Variants in NTRK2 observed in about 807,000 individuals in gnomAD.
NTRK2 encodes neurotrophic receptor tyrosine kinase 2.
A neutral mutation model predicts 94.5 loss-of-function variants in NTRK2; 13 were observed. The observed-to-expected ratio is 0.14, with a 90% CI of 0.09 to 0.22. The LOEUF is 0.22. Ranked by LOEUF, NTRK2 falls within the 10% of genes least tolerant of loss-of-function variation. The probability of loss-of-function intolerance (pLI) is 1.00; values close to 1 mark genes in which losing one functional copy is unlikely to be tolerated. For synonymous variants in NTRK2, 372 were observed against 407.4 expected (o/e 0.91, Z 1.05); for missense variants, 639 against 1,071.2 (o/e 0.60, Z 5.63).
chr9:84,947,848 G>T (rs2078651358), intron 15 of NTRK2, among the ~76,000 whole-genome samples: 1 of 152,158 alleles, frequency 6.6e-6, no homozygotes, highest in Non-Finnish European at 1.5e-5. Context: ...AGTTATCTAA[G>T]CAGAGAACTA....
In NTRK2 at chr9:85,022,554, A is replaced by T. The variant is rs201860030; in HGVS notation, c.*1117A>T. 1.3e-5 allele frequency: 3 copies of T among 233,106 alleles called. No individual in the cohort carries two copies. In the East Asian group the frequency reaches 1.8e-4, roughly 14 times the overall value. 14.4% of individuals were successfully genotyped at this position (233,106 alleles called of 1,614,324 possible). On this transcript the variant is annotated 3_prime_UTR_variant, in exon 19 of 19. Coordinates refer to ENST00000277120, the MANE Select transcript of NTRK2 (RefSeq NM_006180.6). ...CGGAGGCAAGTTTCTTTTACAATGA[A>T]CTTTTCAGATCTCACTTCCCTCCGA...
chr9:84,967,016 C>A (rs553143113), intron 17 of NTRK2, among the ~76,000 whole-genome samples: 3 of 152,280 alleles, frequency 2.0e-5, no homozygotes, highest in East Asian at 1.9e-4. Flanking sequence ...CTCTCTTGAA[C>A]ACCAGAGCTT....
intron 12 of NTRK2, among the ~76,000 whole-genome samples, chr9:84,776,109 G>GA (rs2067005277): frequency 1.3e-5 from 2 of 152,022 alleles, no homozygotes; most frequent in Non-Finnish European, 1.5e-5. Context: ...CACACAGTTG[G>GA]TACCTGTCTA....
chr9:84,870,331 G>GTGTATATATGTATATATA (rs1349303529), intron 14 of NTRK2, among the ~76,000 whole-genome samples: 10 of 31,176 alleles, frequency 3.2e-4, no homozygotes, highest in Non-Finnish European at 1.4e-4. Context: ...GTGTGTGTGT[G>GTGTATATATGTATATATA]TATATATATA....
At chr9:84,939,820 G>T (rs1204349020) in intron 15 of NTRK2, among the ~76,000 whole-genome samples, 3 of 152,078 alleles carry the variant, frequency 2.0e-5, no homozygotes, top group Non-Finnish European at 4.4e-5. Context: ...TCCAGGGAAT[G>T]AACGATTCTC....
At chr9:84,790,271 C>T (rs2068595014) in intron 12 of NTRK2, among the ~76,000 whole-genome samples, 1 of 152,168 alleles carries the variant, frequency 6.6e-6, no homozygotes, top group Non-Finnish European at 1.5e-5. Flanking sequence ...TAATCATCAT[C>T]CCCACAAAAG....
intron 11 of NTRK2, among the ~76,000 whole-genome samples, chr9:84,750,216 C>T (rs1220804230): frequency 6.6e-6 from 1 of 152,086 alleles, no homozygotes; most frequent in African/African-American, 2.4e-5. Context: ...CTTTCCCCCT[C>T]GTTGTGACAA....
chr9:84,795,801 C>G (rs1323338620), intron 12 of NTRK2, among the ~76,000 whole-genome samples: 2 of 152,178 alleles, frequency 1.3e-5, no homozygotes, highest in African/African-American at 2.4e-5. Context: ...AGTACATCCT[C>G]CCTCTCTTGG....
intron 12 of NTRK2, among the ~76,000 whole-genome samples, chr9:84,846,350 C>T (rs554664717): frequency 1.5e-4 from 23 of 152,308 alleles, no homozygotes; most frequent in African/African-American, 4.8e-4. Context: ...ATGCAGTTTT[C>T]CAAGCAAAAG....
At chr9:84,848,426 T>C (rs1470128025) in intron 12 of NTRK2, among the ~76,000 whole-genome samples, 1 of 152,224 alleles carries the variant, frequency 6.6e-6, no homozygotes, top group Non-Finnish European at 1.5e-5. Flanking sequence ...AAATGTACAC[T>C]GTGAAGATCA....
chr9:85,001,460 A>T (rs1025939194), intron 17 of NTRK2, among the ~76,000 whole-genome samples: 1 of 152,192 alleles, frequency 6.6e-6, no homozygotes, highest in African/African-American at 2.4e-5. Context: ...CTTCCTTTGC[A>T]GTACACACAA....
chr9:84,792,990 C>T (rs2068885370), intron 12 of NTRK2, among the ~76,000 whole-genome samples: 1 of 152,142 alleles, frequency 6.6e-6, no homozygotes, highest in African/African-American at 2.4e-5. Context: ...TCAGTATCAT[C>T]ACCATCATCA....
At chr9:84,779,005 G>A (rs2067310392) in intron 12 of NTRK2, among the ~76,000 whole-genome samples, 4 of 152,148 alleles carry the variant, frequency 2.6e-5, no homozygotes, top group African/African-American at 9.7e-5. Context: ...TTTAACAGAA[G>A]GGAGGACCTC....
At chr9:84,993,238 T>A (rs1829319435) in intron 17 of NTRK2, among the ~76,000 whole-genome samples, 1 of 152,172 alleles carries the variant, frequency 6.6e-6, no homozygotes, top group Non-Finnish European at 1.5e-5. Flanking sequence ...CAGGCGTCAG[T>A]GACCACTGCA....
rs74832532 is a variant in NTRK2, at chr9:84,894,309, G to A, written c.1633+26878G>A. On this transcript the variant is annotated intron_variant, in intron 14 of 18. Transcript: ENST00000277120. ...CGTGTAGTTTAACGCGACACAGTTC[G>A]TATAAGCAGACTAGCAGCAATTATC... 1.1e-3 allele frequency among the ~76,000 whole-genome samples: 166 copies of A among 152,276 alleles called. 5 individuals carry two copies. The East Asian group carries it at 0.025, about 23-fold the overall frequency.
chr9:85,000,241 A>T (rs1264572096), intron 17 of NTRK2, among the ~76,000 whole-genome samples: 1 of 152,192 alleles, frequency 6.6e-6, no homozygotes, highest in African/African-American at 2.4e-5. Context: ...CTGCACTGAC[A>T]CATCATTATC....
At chr9:85,018,330 T>C (rs1442062003) in intron 17 of NTRK2, among the ~76,000 whole-genome samples, 5 of 152,200 alleles carry the variant, frequency 3.3e-5, no homozygotes, top group Non-Finnish European at 7.3e-5. Flanking sequence ...AGACTAGAGA[T>C]GCTTTATTCT....
At chr9:84,783,514 A>G (rs938075493) in intron 12 of NTRK2, among the ~76,000 whole-genome samples, 2 of 152,134 alleles carry the variant, frequency 1.3e-5, no homozygotes, top group African/African-American at 2.4e-5. Context: ...AGATGGTCCT[A>G]TTTCCCAGGG....
intron 14 of NTRK2, among the ~76,000 whole-genome samples, chr9:84,869,363 T>C (rs2075738873): frequency 6.6e-6 from 1 of 152,140 alleles, no homozygotes; most frequent in Admixed American, 6.6e-5. Context: ...CCCAGCTTAG[T>C]GTCCTCAGTC....
Sources: gnomAD v4.1 joint callset for allele counts (sites outside exome capture counted in the v4.1 genomes callset) on GRCh38, gnomAD v4.1.1 for gene constraint, MANE v1.5 for transcripts, NCBI Gene and HGNC (gene_info 2026-07-23, HGNC 2026-07-21) for gene names.